The following C12orf42 variants were observed in gnomAD, a reference collection of about 807,000 sequenced individuals.
C12orf42 encodes the protein chromosome 12 open reading frame 42, also known as uncharacterized protein C12orf42.
A neutral mutation model predicts 21.6 loss-of-function variants in C12orf42; 25 were observed. The ratio of observed to expected loss-of-function variants is 1.16; its 90% confidence interval spans 0.84 to 1.62. C12orf42 has a LOEUF of 1.62. C12orf42 is among the 40% of genes most tolerant of loss of function. C12orf42 has a pLI of 0.00. For missense variants in C12orf42, 483 were observed against 459.3 expected, an observed-to-expected ratio of 1.05 and a Z score of -0.47; for synonymous variants, 174 against 175.0, an observed-to-expected ratio of 0.99 and a Z score of 0.05.
chr12:103,558,962 G>A, the C12orf42 span: 2 of 152,248 alleles, frequency 1.3e-5, no homozygotes, highest in Non-Finnish European at 2.9e-5. Context: ...TGTAGGCAAA[G>A]GTTAACTCAG....
chr12:103,480,454 G>A (rs1954385636), intron 1 of C12orf42, among the ~76,000 whole-genome samples: 1 of 148,992 alleles, frequency 6.7e-6, no homozygotes, highest in Non-Finnish European at 1.5e-5. Context: ...CTCTGTGGGG[G>A]GTGTTTGTTT....
the C12orf42 span, among the ~76,000 whole-genome samples, chr12:103,047,864 T>C: frequency 5.9e-5 from 9 of 152,140 alleles, no homozygotes; most frequent in African/African-American, 2.2e-4. Flanking sequence ...AGGGCAGGAT[T>C]CCTAGAAAGA....
the C12orf42 span, among the ~76,000 whole-genome samples, chr12:103,084,793 G>C: frequency 4.6e-5 from 7 of 152,146 alleles, no homozygotes; most frequent in Admixed American, 2.0e-4. Flanking sequence ...AGTATGCATT[G>C]AGATACTGTC....
the C12orf42 span, among the ~76,000 whole-genome samples, chr12:103,108,246 C>T: frequency 6.6e-6 from 1 of 151,650 alleles, no homozygotes; most frequent in Non-Finnish European, 1.5e-5. Context: ...TTTCCAAGAA[C>T]AATTGTCCTG....
At chr12:103,097,029 T>C in the C12orf42 span, among the ~76,000 whole-genome samples, 1 of 152,212 alleles carries the variant, frequency 6.6e-6, no homozygotes, top group Non-Finnish European at 1.5e-5. Flanking sequence ...CCTCTCAATG[T>C]TGTGTCCTCA....
intron 1 of C12orf42, among the ~76,000 whole-genome samples, chr12:103,493,782 G>C (rs1955338694): frequency 6.7e-6 from 1 of 149,494 alleles, no homozygotes; most frequent in Non-Finnish European, 1.5e-5. Context: ...GAAATTAAGA[G>C]GAAATACGCA....
chr12:103,467,292 T>C (rs969810181), intron 2 of C12orf42, among the ~76,000 whole-genome samples: 2 of 152,230 alleles, frequency 1.3e-5, no homozygotes, highest in African/African-American at 4.8e-5. Context: ...CCATTGTATA[T>C]TGCAACTTAG....
intron 4 of C12orf42, among the ~76,000 whole-genome samples, chr12:103,339,235 C>T (rs11111533): frequency 3.3e-5 from 5 of 152,074 alleles, no homozygotes; most frequent in Non-Finnish European, 5.9e-5. Context: ...TTCAGGGGTA[C>T]GAGTACAGAT....
At chr12:103,311,048 G>A (rs1477491435) in intron 4 of C12orf42, among the ~76,000 whole-genome samples, 1 of 152,144 alleles carries the variant, frequency 6.6e-6, no homozygotes, top group Non-Finnish European at 1.5e-5. Flanking sequence ...ATCTGAGGCT[G>A]AGCCCCCACC....
At chr12:103,469,908 C>T (rs1429148818) in intron 2 of C12orf42, among the ~76,000 whole-genome samples, 3 of 152,078 alleles carry the variant, frequency 2.0e-5, no homozygotes, top group African/African-American at 7.2e-5. Context: ...TTTATGTGTA[C>T]AAAAGTTATT....
At chr12:103,068,965 A>G in the C12orf42 span, among the ~76,000 whole-genome samples, 19 of 94,956 alleles carry the variant, frequency 2.0e-4, no homozygotes, top group Admixed American at 5.1e-4. Flanking sequence ...ATATATATAT[A>G]TATATATATA....
At chr12:103,540,556 T>C in the C12orf42 span, among the ~76,000 whole-genome samples, 1 of 152,192 alleles carries the variant, frequency 6.6e-6, no homozygotes, top group Non-Finnish European at 1.5e-5. Flanking sequence ...GTAACTTTCA[T>C]TATTTCTCAT....
chr12:103,437,273 T>C (rs959965678), intron 2 of C12orf42, among the ~76,000 whole-genome samples: 1 of 152,184 alleles, frequency 6.6e-6, no homozygotes, highest in Non-Finnish European at 1.5e-5. Context: ...GAGGGAAATT[T>C]ATAGCACTAA....
the C12orf42 span, among the ~76,000 whole-genome samples, chr12:103,084,930 A>C: frequency 2.4e-4 from 36 of 152,342 alleles, 1 homozygote; most frequent in Middle Eastern, 0.014. Context: ...ATCTAAAACT[A>C]TTCAAACAAA....
At chr12:103,372,766 G>C (rs1367071065) in intron 3 of C12orf42, among the ~76,000 whole-genome samples, 1 of 152,138 alleles carries the variant, frequency 6.6e-6, no homozygotes, top group African/African-American at 2.4e-5. Context: ...AAAAAGCTAA[G>C]GCAGTGAGTC....
intron 4 of C12orf42, among the ~76,000 whole-genome samples, chr12:103,331,216 T>A (rs997434977): frequency 6.6e-6 from 1 of 152,210 alleles, no homozygotes; most frequent in Admixed American, 6.5e-5. Flanking sequence ...AGTTGGGCAA[T>A]ATCACCTAAC....
At chr12:103,325,349 C>T (rs745764277) in intron 4 of C12orf42, among the ~76,000 whole-genome samples, 11 of 152,186 alleles carry the variant, frequency 7.2e-5, no homozygotes, top group South Asian at 2.1e-4. Context: ...CACACTGCTC[C>T]GATCTGGCAT....
chr12:103,129,545 C>G, the C12orf42 span, among the ~76,000 whole-genome samples: 33 of 152,218 alleles, frequency 2.2e-4, no homozygotes, highest in East Asian at 1.2e-3. Context: ...CTTTAACAAC[C>G]CTTCTTACAT....
the C12orf42 span, among the ~76,000 whole-genome samples, chr12:103,223,874 T>C: frequency 6.6e-6 from 1 of 152,296 alleles, no homozygotes; most frequent in South Asian, 2.1e-4. Flanking sequence ...TGGCTGAGCT[T>C]GGTGAGGTGT....
Sources: gnomAD v4.1 joint callset for allele counts (sites outside exome capture counted in the v4.1 genomes callset) on GRCh38, gnomAD v4.1.1 for gene constraint, MANE v1.5 for transcripts, NCBI Gene and HGNC (gene_info 2026-07-23, HGNC 2026-07-21) for gene names.